The following SLC2A13 variants were observed in gnomAD, a reference collection of about 807,000 sequenced individuals.
SLC2A13 encodes proton myo-inositol cotransporter.
SLC2A13 carries 32 observed loss-of-function variants against 64.4 expected under a neutral mutation model. The observed-to-expected ratio is 0.50, with a 90% confidence interval of 0.37 to 0.67. SLC2A13 has a LOEUF of 0.67. Among genes scored for constraint, SLC2A13 ranks in the 30% least tolerant of loss-of-function variants. The pLI, the probability that SLC2A13 is intolerant of heterozygous loss-of-function variation, is 0.00. For missense variants in SLC2A13, 743 were observed against 829.2 expected (o/e 0.90, Z 1.28); for synonymous variants, 338 against 327.1 (o/e 1.03, Z -0.36).
chr12:39,872,763 C>T (rs1012447587), intron 4 of SLC2A13, among the ~76,000 whole-genome samples: 1 of 152,140 alleles, frequency 6.6e-6, no homozygotes, highest in African/African-American at 2.4e-5. Context: ...TAAAGTTAAC[C>T]TGAAAACAAA....
chr12:39,942,982 G>A (rs1946064199), intron 4 of SLC2A13, among the ~76,000 whole-genome samples: 1 of 152,110 alleles, frequency 6.6e-6, no homozygotes, highest in Non-Finnish European at 1.5e-5. Context: ...ATTCCTTTCT[G>A]TTTGTTAGTT....
intron 4 of SLC2A13, among the ~76,000 whole-genome samples, chr12:39,947,002 C>A (rs1280112323): frequency 1.3e-5 from 2 of 152,186 alleles, no homozygotes; most frequent in East Asian, 3.9e-4. Flanking sequence ...GAATGGGCTG[C>A]TTGGGATCCA....
chr12:39,812,434 C>A (rs565636688), intron 7 of SLC2A13, among the ~76,000 whole-genome samples: 1 of 144,352 alleles, frequency 6.9e-6, no homozygotes. Context: ...GCCTTCCTTC[C>A]TTTTCTTTCT....
chr12:39,834,149 A>G (rs1942941120), intron 6 of SLC2A13, among the ~76,000 whole-genome samples: 1 of 151,904 alleles, frequency 6.6e-6, no homozygotes, highest in Admixed American at 6.6e-5. Flanking sequence ...GTCACATAAA[A>G]CTTTGGTTAA....
At chr12:40,037,080 C>T (rs1029906247) in intron 2 of SLC2A13, among the ~76,000 whole-genome samples, 7 of 152,208 alleles carry the variant, frequency 4.6e-5, no homozygotes, top group African/African-American at 1.4e-4. Flanking sequence ...AACCAACCTT[C>T]CTGGGTCATG....
At chr12:39,921,001 CAA>C (rs1945606814) in intron 4 of SLC2A13, among the ~76,000 whole-genome samples, 1 of 151,986 alleles carries the variant, frequency 6.6e-6, no homozygotes. Context: ...GGCAAACAGA[CAA>C]AGAGTAGTTC....
intron 6 of SLC2A13, among the ~76,000 whole-genome samples, chr12:39,849,110 A>G (rs1943398595): frequency 6.6e-6 from 1 of 152,154 alleles, no homozygotes; most frequent in African/African-American, 2.4e-5. Flanking sequence ...AATATGTACA[A>G]CAAGCCCCTG....
chr12:39,984,128 A>G (rs1946979877), intron 3 of SLC2A13, among the ~76,000 whole-genome samples: 1 of 149,430 alleles, frequency 6.7e-6, no homozygotes, highest in Non-Finnish European at 1.5e-5. Context: ...GAACTGAACA[A>G]TGAGATCACA....
intron 2 of SLC2A13, among the ~76,000 whole-genome samples, chr12:40,044,076 A>G (rs1397427078): frequency 6.6e-6 from 1 of 152,200 alleles, no homozygotes; most frequent in Non-Finnish European, 1.5e-5. Context: ...TATAGCCCCA[A>G]AATGTTAACA....
chr12:39,914,064 A>T (rs2136045112), intron 4 of SLC2A13, among the ~76,000 whole-genome samples: 1 of 152,172 alleles, frequency 6.6e-6, no homozygotes, highest in South Asian at 2.1e-4. Context: ...GTCAGGAAAA[A>T]AATAGTTAAA....
chr12:39,762,101 C>G (rs1224311304), intron 9 of SLC2A13, among the ~76,000 whole-genome samples: 1 of 152,022 alleles, frequency 6.6e-6, no homozygotes, highest in Non-Finnish European at 1.5e-5. Flanking sequence ...GAATCCAAAG[C>G]ACGCAAATGC....
chr12:39,942,822 T>C (rs1177006595), intron 4 of SLC2A13, among the ~76,000 whole-genome samples: 1 of 152,230 alleles, frequency 6.6e-6, no homozygotes, highest in Non-Finnish European at 1.5e-5. Context: ...TGTGATCCTT[T>C]GAAGATGAGG....
intron 6 of SLC2A13, among the ~76,000 whole-genome samples, chr12:39,855,130 C>A (rs549746898): frequency 2.0e-4 from 31 of 152,300 alleles, no homozygotes; most frequent in Admixed American, 2.0e-4. Context: ...CATTTACATT[C>A]ACTATGGTGT....
At chr12:40,020,100 A>G (rs936307556) in intron 3 of SLC2A13, among the ~76,000 whole-genome samples, 2 of 152,198 alleles carry the variant, frequency 1.3e-5, no homozygotes, top group African/African-American at 4.8e-5. Context: ...TAGCTCCCCA[A>G]TACAAATCCA....
chr12:39,797,733 C>CACACACACAT (rs1174509817), intron 7 of SLC2A13, among the ~76,000 whole-genome samples: 7 of 18,086 alleles, frequency 3.9e-4, no homozygotes, highest in Admixed American at 9.5e-4. Context: ...GGTAAACACA[C>CACACACACAT]ACACACACAC....
chr12:39,943,477 A>G (rs1186370974), intron 4 of SLC2A13, among the ~76,000 whole-genome samples: 1 of 152,212 alleles, frequency 6.6e-6, no homozygotes, highest in African/African-American at 2.4e-5. Context: ...CTAGAGAGGC[A>G]GTCTGGCTAC....
intron 1 of SLC2A13, among the ~76,000 whole-genome samples, chr12:40,103,666 A>G (rs1267509777): frequency 6.6e-6 from 1 of 152,218 alleles, no homozygotes; most frequent in Admixed American, 6.5e-5. Flanking sequence ...TACAGAAAAG[A>G]TTGAGGTTGA....
intron 7 of SLC2A13, among the ~76,000 whole-genome samples, chr12:39,803,204 C>CAAAAA (rs369226817): frequency 2.7e-5 from 2 of 73,738 alleles, no homozygotes; most frequent in African/African-American, 4.5e-5. Context: ...GAAGCAAATG[C>CAAAAA]AAAAAAAAAA....
chr12:39,850,976 T>C (rs1178738884), intron 6 of SLC2A13, among the ~76,000 whole-genome samples: 1 of 151,996 alleles, frequency 6.6e-6, no homozygotes, highest in African/African-American at 2.4e-5. Context: ...TTCAGCTCAC[T>C]GCAACCTCTA....
Sources: gnomAD v4.1 joint callset for allele counts (sites outside exome capture counted in the v4.1 genomes callset) on GRCh38, gnomAD v4.1.1 for gene constraint, MANE v1.5 for transcripts, NCBI Gene and HGNC (gene_info 2026-07-23, HGNC 2026-07-21) for gene names.